SGSM1: variants seen among roughly 807,000 people sequenced by gnomAD.
SGSM1 encodes the protein RUN and TBC1 domain containing 2.
Under a neutral mutation model 133.8 loss-of-function variants are expected in SGSM1, and 73 were observed. That is an observed-to-expected ratio of 0.55 (90% CI 0.45 to 0.66). The LOEUF (loss-of-function observed/expected upper bound fraction) is 0.66. Among genes scored for constraint, SGSM1 ranks in the 30% least tolerant of loss-of-function variants. SGSM1 has a pLI of 0.00. For missense variants in SGSM1, 1,213 were observed against 1,448.1 expected, an observed-to-expected ratio of 0.84 and a Z score of 2.64; for synonymous variants, 563 against 573.0, an observed-to-expected ratio of 0.98 and a Z score of 0.25.
At chr22:24,837,466 A>G (rs1929496303) in intron 2 of SGSM1, among the ~76,000 whole-genome samples, 1 of 152,186 alleles carries the variant, frequency 6.6e-6, no homozygotes, top group Non-Finnish European at 1.5e-5. Flanking sequence ...GCACAGCATC[A>G]CAGGGAGACG....
intron 23 of SGSM1, among the ~76,000 whole-genome samples, chr22:24,919,135 A>G (rs1488561359): frequency 7.6e-6 from 1 of 132,400 alleles, no homozygotes; most frequent in Admixed American, 9.0e-5. Context: ...TGCAGCCTCC[A>G]CTTCCTGGGT....
intron 16 of SGSM1, among the ~76,000 whole-genome samples, chr22:24,887,138 T>TGTGTGTGTGTGTGTGTG (rs1601956574): frequency 2.7e-5 from 4 of 148,610 alleles, no homozygotes; most frequent in Admixed American, 6.8e-5. Context: ...TGTGTGTGTG[T>TGTGTGTGTGTGTGTGTG]TTTCTCTGCA....
intron 2 of SGSM1, among the ~76,000 whole-genome samples, chr22:24,834,291 C>T (rs1346184605): frequency 6.6e-6 from 1 of 152,256 alleles, no homozygotes; most frequent in Non-Finnish European, 1.5e-5. Flanking sequence ...GGAGCAGTTT[C>T]CTTGGCTGGA....
In SGSM1 at chr22:24,895,247, C is replaced by G. The variant is rs373305837; in HGVS notation, c.1978C>G (p.Arg660Gly). ...GTCCTCCCAGAGCTGCAGTTCGGGC[C>G]GCCAGAACATCCGCCTGCACAGCGA... ...NESSQSCSSG[R>G]QNIRLHSDSS... The change falls in exon 18 of 25, where the codon CGC (arginine) becomes GGC (glycine). Residue 660 changes from arginine to glycine, a missense_variant. Arg to Gly is a moderately radical substitution (Grantham distance 125). Coordinates refer to ENST00000400358, the MANE Select transcript of SGSM1 (RefSeq NM_001098497.3). 1 of 1,611,986 alleles carries G rather than the reference C, an allele frequency of 6.2e-7. No homozygotes were observed. The highest frequency in any genetic ancestry group is 8.5e-7 in the Non-Finnish European group (1 of 1,179,204).
intron 2 of SGSM1, among the ~76,000 whole-genome samples, chr22:24,842,069 T>C (rs752090754): frequency 6.6e-6 from 1 of 152,180 alleles, no homozygotes; most frequent in Non-Finnish European, 1.5e-5. Context: ...CTGGACTCAC[T>C]CCCTCTGTTG....
intron 4 of SGSM1, among the ~76,000 whole-genome samples, chr22:24,848,433 A>G (rs76791109): frequency 6.6e-6 from 1 of 152,034 alleles, no homozygotes. Flanking sequence ...TAAAAAAAAA[A>G]CTCTCATACT....
intron 2 of SGSM1, among the ~76,000 whole-genome samples, chr22:24,823,493 C>A (rs1466431894): frequency 6.6e-6 from 1 of 152,064 alleles, no homozygotes. Context: ...CCCAGCTACT[C>A]AGGAGGCTGA....
At chr22:24,861,792 C>T (rs1353750566) in intron 9 of SGSM1, among the ~76,000 whole-genome samples, 1 of 151,098 alleles carries the variant, frequency 6.6e-6, no homozygotes, top group African/African-American at 2.4e-5. Context: ...AATGATCTGC[C>T]CATCTCGGCC....
intron 2 of SGSM1, among the ~76,000 whole-genome samples, chr22:24,825,752 C>T (rs973211497): frequency 3.9e-5 from 6 of 152,138 alleles, no homozygotes; most frequent in Admixed American, 6.5e-5. Context: ...TTAAAGCCAC[C>T]CTGCAGGGCC....
chr22:24,845,955 T>TTCTTTCTC (rs1569144697), intron 3 of SGSM1, among the ~76,000 whole-genome samples: 5 of 91,838 alleles, frequency 5.4e-5, no homozygotes, highest in African/African-American at 1.9e-4. Context: ...CTTTCTTTCT[T>TTCTTTCTC]TCTTTCTTTC....
At position 24,806,223 on chromosome 22, in the gene SGSM1, G is replaced by T; in HGVS notation, c.-103G>T. On this transcript the variant is annotated 5_prime_UTR_variant, in exon 1 of 25. Coordinates refer to ENST00000400358, the MANE Select transcript of SGSM1 (RefSeq NM_001098497.3). ...CCCTCCGGCCGTCACTCAGCGCTCG[G>T]CCCCGCCCCGCCGCGGCTGCAGCAG... 17 of 1,282,568 alleles carry T rather than the reference G, an allele frequency of 1.3e-5. No homozygotes were observed. The highest frequency in any genetic ancestry group is 1.7e-5 in the Non-Finnish European group (17 of 1,017,996). 79.4% of individuals were successfully genotyped at this position (1,282,568 alleles called of 1,614,324 possible).
At chr22:24,882,791 T>C (rs978210229) in intron 14 of SGSM1, among the ~76,000 whole-genome samples, 1 of 152,198 alleles carries the variant, frequency 6.6e-6, no homozygotes, top group African/African-American at 2.4e-5. Flanking sequence ...GTTTTTTTGC[T>C]TAACATAACC....
intron 8 of SGSM1, 125 bp downstream of exon 8, chr22:24,855,805 T>C (rs765984405): frequency 7.2e-7 from 1 of 1,388,436 alleles, no homozygotes; most frequent in South Asian, 1.2e-5. Context: ...CATGCACACA[T>C]CCACCCGCCC....
At position 24,816,417 on chromosome 22, in the gene SGSM1, C is replaced by CTTTTTTTTTTTTTTTTTT. The variant is rs3062145; in HGVS notation, c.63+9949_63+9950insTTTTTTTTTTTTTTTTTT. ...AAAAATTGATTTCTTTTTTTTCTTT[C>CTTTTTTTTTTTTTTTTTT]TTTTTTTTTTTTTTTTGAGATGGTG... On this transcript the variant is annotated intron_variant, in intron 2 of 24. Transcript: ENST00000400358. Among the ~76,000 whole-genome samples, 8 of 130,100 alleles carry CTTTTTTTTTTTTTTTTTT rather than the reference C, an allele frequency of 6.1e-5. 1 individual carries two copies. Among genetic ancestry groups the CTTTTTTTTTTTTTTTTTT allele is most frequent in the East Asian group, 2.3e-4 (1 of 4,390 alleles). The allele number at this position is 130,100 out of a possible 152,430, so 85.4% of individuals were successfully genotyped here. A position where few individuals can be genotyped will look rare whatever the true frequency, so the allele number is the denominator to read the frequency against.
intron 12 of SGSM1, among the ~76,000 whole-genome samples, chr22:24,875,941 G>A (rs1213158488): frequency 6.6e-6 from 1 of 152,204 alleles, no homozygotes; most frequent in Non-Finnish European, 1.5e-5. Context: ...TAGAAATACA[G>A]ATTTGAGAGC....
Position 24,898,326 on chromosome 22 carries a change from G to C in SGSM1, c.2377G>C (p.Asp793His), listed in dbSNP as rs1474301279. ...TGACCTCCTGGCCAACGAGAGCATGGACGAGTTCATGTCCATCACGGGCAG... is the reference window on the plus strand; with the variant it reads ...TGACCTCCTGGCCAACGAGAGCATGCACGAGTTCATGTCCATCACGGGCAG... ...ESDLLANESM[D>H]EFMSITGSLD... Residue 793 changes from aspartate (D) to histidine (H), a missense_variant, in exon 19 of 25, where the codon GAC becomes CAC. Coordinates refer to ENST00000400358, the MANE Select transcript of SGSM1 (RefSeq NM_001098497.3). 1 of 1,613,860 alleles carries C rather than the reference G, an allele frequency of 6.2e-7. No homozygotes were observed. Among genetic ancestry groups the C allele is most frequent in the South Asian group, 1.1e-5 (1 of 91,086 alleles).
intron 12 of SGSM1, chr22:24,874,655 C>T: frequency 6.8e-7 from 1 of 1,470,098 alleles, no homozygotes; most frequent in South Asian, 1.4e-5. Context: ...GAGTTCTGGT[C>T]CCAAGGGAGA....
chr22:24,871,147 C>T (rs1401920483), intron 12 of SGSM1, among the ~76,000 whole-genome samples: 6 of 152,142 alleles, frequency 3.9e-5, no homozygotes, highest in African/African-American at 7.2e-5. Flanking sequence ...TGCCAAGTAG[C>T]GAACTTACTT....
intron 19 of SGSM1, among the ~76,000 whole-genome samples, chr22:24,901,498 A>C (rs925298117): frequency 1.3e-5 from 2 of 152,208 alleles, no homozygotes; most frequent in East Asian, 3.9e-4. Context: ...CCATTTTGAA[A>C]TTAAGGTACT....
Sources: gnomAD v4.1 joint callset for allele counts (sites outside exome capture counted in the v4.1 genomes callset) on GRCh38, gnomAD v4.1.1 for gene constraint, MANE v1.5 for transcripts, NCBI Gene and HGNC (gene_info 2026-07-23, HGNC 2026-07-21) for gene names.